TNNI3K: variants seen among roughly 807,000 people sequenced by gnomAD.
TNNI3K encodes serine/threonine-protein kinase TNNI3K.
A neutral mutation model predicts 114.5 loss-of-function variants in TNNI3K; 140 were observed. The ratio of observed to expected loss-of-function variants is 1.22; its 90% CI spans 1.07 to 1.41. TNNI3K has a LOEUF of 1.41. Among genes scored for constraint, TNNI3K ranks in the 40% most tolerant of loss-of-function variants. TNNI3K has a pLI of 0.00. For missense variants in TNNI3K, 1,125 were observed against 1,007.6 expected, an observed-to-expected ratio of 1.12 and a Z score of -1.58; for synonymous variants, 347 against 347.5, an observed-to-expected ratio of 1.00 and a Z score of 0.02.
chr1:74,326,852 A>G (rs542199589), intron 5 of TNNI3K, among the ~76,000 whole-genome samples: 29 of 152,276 alleles, frequency 1.9e-4, no homozygotes, highest in Middle Eastern at 3.4e-3. Context: ...GTACTTTGGG[A>G]GGCCAAGGTG....
intron 17 of TNNI3K, among the ~76,000 whole-genome samples, chr1:74,386,118 A>G (rs2100558133): frequency 6.6e-6 from 1 of 152,292 alleles, no homozygotes; most frequent in Admixed American, 6.5e-5. Flanking sequence ...ATAAGATGTG[A>G]CTTTGCTCCT....
At chr1:74,492,902 G>C (rs570395432) in intron 23 of TNNI3K, among the ~76,000 whole-genome samples, 1 of 152,310 alleles carries the variant, frequency 6.6e-6, no homozygotes, top group South Asian at 2.1e-4. Flanking sequence ...CAGCATGGTT[G>C]AGGTTCTGGT....
rs144559336 is a variant in TNNI3K, at chr1:74,288,264, T to A, written c.444+16556T>A. Reference sequence around the variant, plus strand: ...TATTGAAGATATATCTGCATTCCCATTTTTTAAAAATGGTGTCTCATTCTA... The same window carrying A: ...TATTGAAGATATATCTGCATTCCCAATTTTTAAAAATGGTGTCTCATTCTA... On this transcript the variant is annotated intron_variant, in intron 5 of 24. Transcript: ENST00000326637. 3.8e-3 allele frequency among the ~76,000 whole-genome samples: 571 copies of A among 152,248 alleles called. 4 individuals carry two copies. The highest frequency in any genetic ancestry group is 0.013 in the African/African-American group (547 of 41,566).
At chr1:74,316,593 A>G (rs1264491436) in intron 5 of TNNI3K, among the ~76,000 whole-genome samples, 3 of 152,044 alleles carry the variant, frequency 2.0e-5, no homozygotes, top group Non-Finnish European at 4.4e-5. Context: ...GTTCTGGTTC[A>G]AATGTAGTTT....
chr1:74,315,260 AT>A (rs1250911763), intron 5 of TNNI3K, among the ~76,000 whole-genome samples: 2 of 152,172 alleles, frequency 1.3e-5, no homozygotes, highest in Non-Finnish European at 2.9e-5. Flanking sequence ...TGAAGATTCC[AT>A]TATTAGTCTA....
chr1:74,336,912 G>A (rs572406405), intron 7 of TNNI3K, among the ~76,000 whole-genome samples: 2 of 152,206 alleles, frequency 1.3e-5, no homozygotes, highest in Non-Finnish European at 2.9e-5. Flanking sequence ...CTAGATCCCT[G>A]AGGAATCGCC....
chr1:74,238,215 A>G (rs1466260172), intron 2 of TNNI3K, among the ~76,000 whole-genome samples: 2 of 152,088 alleles, frequency 1.3e-5, no homozygotes, highest in East Asian at 3.8e-4. Flanking sequence ...ATGTGAATCA[A>G]TGTAAGAATT....
chr1:74,480,388 A>T (rs1249552620), intron 21 of TNNI3K: 1 of 717,560 alleles, frequency 1.4e-6, no homozygotes, highest in East Asian at 2.7e-5. Context: ...GAGCAAGGGG[A>T]TGGAGATCAC....
intron 2 of TNNI3K, among the ~76,000 whole-genome samples, chr1:74,246,684 C>A (rs1654580935): frequency 6.6e-6 from 1 of 152,184 alleles, no homozygotes. Context: ...GATGCACATT[C>A]TTCTGAGCTA....
intron 2 of TNNI3K, among the ~76,000 whole-genome samples, chr1:74,243,730 C>G (rs1406831578): frequency 6.6e-6 from 1 of 152,058 alleles, no homozygotes; most frequent in Non-Finnish European, 1.5e-5. Context: ...AGAAAGTAAC[C>G]TTTGGGTACA....
In TNNI3K at chr1:74,356,088, G is replaced by A. The variant is rs542726715; in HGVS notation, c.1177+1959G>A. Among the ~76,000 whole-genome samples the A allele has an allele frequency of 2.2e-3, 333 of 152,130 alleles. 2 individuals are homozygous for A. Among genetic ancestry groups the A allele is most frequent in the Middle Eastern group, 0.01 (3 of 294 alleles). On this transcript the variant is annotated intron_variant, in intron 11 of 24. Transcript: ENST00000326637. Reference sequence around the variant, plus strand: ...ACCACTGCCTTCTTGTGGCATAGTCGTTTTGCCACTTTCTGCACTTTATAT... The same window carrying A: ...ACCACTGCCTTCTTGTGGCATAGTCATTTTGCCACTTTCTGCACTTTATAT...
At chr1:74,287,981 A>G (rs1477962209) in intron 5 of TNNI3K, among the ~76,000 whole-genome samples, 1 of 152,160 alleles carries the variant, frequency 6.6e-6, no homozygotes, top group Non-Finnish European at 1.5e-5. Flanking sequence ...GAAGTATATG[A>G]AAAAAATGCT....
chr1:74,480,260 TCAGA>T (rs1188581417), intron 21 of TNNI3K: 4 of 717,426 alleles, frequency 5.6e-6, no homozygotes, highest in African/African-American at 3.5e-5. Flanking sequence ...ACAGTTGGTC[TCAGA>T]CAGCCTCAGC....
At chr1:74,462,622 G>A (rs1667498484) in intron 20 of TNNI3K, among the ~76,000 whole-genome samples, 1 of 152,308 alleles carries the variant, frequency 6.6e-6, no homozygotes, top group South Asian at 2.1e-4. Context: ...GAGGATTAAA[G>A]GAGTTTATGT....
At chr1:74,363,438 T>A (rs1198676599) in intron 11 of TNNI3K, among the ~76,000 whole-genome samples, 6 of 152,028 alleles carry the variant, frequency 3.9e-5, no homozygotes, top group African/African-American at 1.4e-4. Flanking sequence ...AGGCTCTTGA[T>A]GAAAAGCATC....
chr1:74,353,100 C>G (rs978521074), intron 9 of TNNI3K, among the ~76,000 whole-genome samples, 166 bp from the exon 10 acceptor site: 2 of 152,158 alleles, frequency 1.3e-5, no homozygotes, highest in African/African-American at 4.8e-5. Context: ...TGGCTCCACC[C>G]CTCTTAAGTA....
chr1:74,472,984 CTGTT>C (rs934083825), intron 21 of TNNI3K, among the ~76,000 whole-genome samples: 1 of 152,054 alleles, frequency 6.6e-6, no homozygotes, highest in Non-Finnish European at 1.5e-5. Context: ...CTTCCTTTGA[CTGTT>C]TGGGGACAGA....
chr1:74,326,648 A>G (rs954088059), intron 5 of TNNI3K, among the ~76,000 whole-genome samples: 1 of 152,226 alleles, frequency 6.6e-6, no homozygotes, highest in Non-Finnish European at 1.5e-5. Flanking sequence ...GTTAATTACC[A>G]GAAAGATTAC....
chr1:74,405,559 A>G (rs1664574797), intron 17 of TNNI3K, among the ~76,000 whole-genome samples: 1 of 152,220 alleles, frequency 6.6e-6, no homozygotes, highest in African/African-American at 2.4e-5. Context: ...CTGTTTACAA[A>G]ATAGCACTTA....
Sources: allele counts gnomAD v4.1 joint callset (sites outside exome capture counted in the v4.1 genomes callset), GRCh38; gene constraint gnomAD v4.1.1; transcripts MANE v1.5; gene names NCBI Gene and HGNC (gene_info 2026-07-23, HGNC 2026-07-21).